CSMD1: variants seen among roughly 807,000 people sequenced by gnomAD.
CSMD1 encodes the protein CUB and Sushi multiple domains 1.
CSMD1 carries 213 observed loss-of-function variants against 417.5 expected under a neutral mutation model. The ratio of observed to expected loss-of-function variants is 0.51; its 90% CI spans 0.46 to 0.57. CSMD1 has a LOEUF of 0.57. CSMD1 is among the 20% of genes least tolerant of loss of function. CSMD1 has a pLI of 0.00. For synonymous variants in CSMD1, 2,862 were observed against 1,736.8 expected (o/e 1.65, Z -16.11); for missense variants, 6,923 against 4,529.7 (o/e 1.53, Z -15.17).
At chr8:4,989,336 G>T (rs1007378052) in intron 1 of CSMD1, among the ~76,000 whole-genome samples, 4 of 152,120 alleles carry the variant, frequency 2.6e-5, no homozygotes, top group Non-Finnish European at 4.4e-5. Context: ...GCGTCAGATT[G>T]GTTGGACTTG....
intron 5 of CSMD1, among the ~76,000 whole-genome samples, chr8:3,828,278 G>A (rs17067707): frequency 0.049 from 7,400 of 152,098 alleles, 399 homozygotes; most frequent in African/African-American, 0.13. Flanking sequence ...TGGCTCTTCC[G>A]AACATGCTTA....
chr8:4,402,635 C>T (rs1056815421), intron 3 of CSMD1, among the ~76,000 whole-genome samples: 1 of 152,002 alleles, frequency 6.6e-6, no homozygotes, highest in African/African-American at 2.4e-5. Context: ...CTTGCAAGAC[C>T]TATCCCTCAT....
intron 11 of CSMD1, among the ~76,000 whole-genome samples, chr8:3,471,000 G>A (rs1563070411): frequency 6.6e-6 from 1 of 152,160 alleles, no homozygotes. Context: ...GCAGGTTTCT[G>A]TGTGAGCATA....
chr8:4,243,359 G>C (rs990114442), intron 3 of CSMD1, among the ~76,000 whole-genome samples: 1 of 152,058 alleles, frequency 6.6e-6, no homozygotes, highest in African/African-American at 2.4e-5. Context: ...ATGCAATGCC[G>C]AGAGGGGCCC....
intron 7 of CSMD1, among the ~76,000 whole-genome samples, chr8:3,703,570 C>G (rs79108572): frequency 0.03 from 4,614 of 151,916 alleles, 228 homozygotes; most frequent in African/African-American, 0.11. Context: ...ATGGGAAAAC[C>G]CCAAACTTTC....
chr8:3,389,881 C>G (rs968536833), intron 17 of CSMD1, among the ~76,000 whole-genome samples: 3 of 152,124 alleles, frequency 2.0e-5, no homozygotes, highest in Admixed American at 6.5e-5. Context: ...ATAATTGACA[C>G]CACTATTGAA....
At chr8:4,897,508 T>G (rs1448708686) in intron 1 of CSMD1, among the ~76,000 whole-genome samples, 4 of 152,094 alleles carry the variant, frequency 2.6e-5, no homozygotes, top group African/African-American at 9.7e-5. Flanking sequence ...CTATAACCTC[T>G]CATATCCTAT....
chr8:3,640,012 A>T (rs559757344), intron 7 of CSMD1, among the ~76,000 whole-genome samples: 3,800 of 152,262 alleles, frequency 0.025, 162 homozygotes, highest in African/African-American at 0.085. Context: ...GGTGCTCAAT[A>T]AATGTTTGTC....
chr8:4,435,405 G>A (rs756907846), intron 2 of CSMD1, among the ~76,000 whole-genome samples: 1 of 152,166 alleles, frequency 6.6e-6, no homozygotes, highest in African/African-American at 2.4e-5. Flanking sequence ...TCACTCCAAA[G>A]AAGTCACCAT....
intron 2 of CSMD1, among the ~76,000 whole-genome samples, chr8:4,560,935 A>G (rs1273129229): frequency 1.3e-5 from 2 of 152,200 alleles, no homozygotes; most frequent in Non-Finnish European, 2.9e-5. Flanking sequence ...CGTTTTCTCT[A>G]TTACATTTTC....
At chr8:4,404,333 C>T (rs764313665) in intron 3 of CSMD1, among the ~76,000 whole-genome samples, 3 of 152,128 alleles carry the variant, frequency 2.0e-5, no homozygotes, top group Non-Finnish European at 2.9e-5. Context: ...GCTTTCTCCA[C>T]TGGAATTAAG....
chr8:2,952,577 C>T (rs547411362), intron 65 of CSMD1, among the ~76,000 whole-genome samples: 1 of 152,308 alleles, frequency 6.6e-6, no homozygotes, highest in Admixed American at 6.5e-5. Context: ...TGATTTTAGA[C>T]ACATCTGCTT....
intron 7 of CSMD1, among the ~76,000 whole-genome samples, chr8:3,665,758 A>G (rs1798657021): frequency 1.3e-5 from 2 of 151,574 alleles, no homozygotes; most frequent in Admixed American, 1.3e-4. Context: ...GAAGGTGTTT[A>G]TCCAAGGCAG....
chr8:4,071,830 G>C (rs574196983), intron 3 of CSMD1, among the ~76,000 whole-genome samples: 18 of 152,206 alleles, frequency 1.2e-4, no homozygotes, highest in South Asian at 8.3e-4. Context: ...CTGTTGTGGG[G>C]GGGTGGTGTG....
intron 1 of CSMD1, among the ~76,000 whole-genome samples, chr8:4,702,974 G>C (rs975306878): frequency 1.3e-5 from 2 of 151,938 alleles, no homozygotes; most frequent in African/African-American, 4.8e-5. Flanking sequence ...TTTAAAAGTA[G>C]GTACTCTCAA....
intron 2 of CSMD1, among the ~76,000 whole-genome samples, chr8:4,424,939 C>G (rs1336869175): frequency 6.6e-6 from 1 of 151,952 alleles, no homozygotes; most frequent in South Asian, 2.1e-4. Flanking sequence ...AAGGTTGAGA[C>G]TGAGAGGTAC....
At chr8:4,043,129 T>A (rs576749678) in intron 3 of CSMD1, among the ~76,000 whole-genome samples, 1 of 151,934 alleles carries the variant, frequency 6.6e-6, no homozygotes, top group Admixed American at 6.6e-5. Flanking sequence ...TGAGACTCTG[T>A]CTACAAAACA....
At chr8:4,641,481 T>C (rs1803184496) in intron 1 of CSMD1, among the ~76,000 whole-genome samples, 2 of 152,266 alleles carry the variant, frequency 1.3e-5, no homozygotes, top group East Asian at 1.9e-4. Context: ...AGGTTCTGTT[T>C]TCAAACTACA....
intron 3 of CSMD1, among the ~76,000 whole-genome samples, chr8:4,369,449 T>C (rs1802276789): frequency 6.6e-6 from 1 of 152,204 alleles, no homozygotes; most frequent in Non-Finnish European, 1.5e-5. Context: ...TATAGATGTC[T>C]CTGACGTATA....
Sources: gnomAD v4.1 joint callset for allele counts (sites outside exome capture counted in the v4.1 genomes callset) on GRCh38, gnomAD v4.1.1 for gene constraint, MANE v1.5 for transcripts, NCBI Gene and HGNC (gene_info 2026-07-23, HGNC 2026-07-21) for gene names.